USP34: variants seen among roughly 807,000 people sequenced by gnomAD.
USP34 encodes the protein ubiquitin carboxyl-terminal hydrolase 34.
Under a neutral mutation model 460.3 loss-of-function variants are expected in USP34, and 70 were observed. The observed-to-expected ratio is 0.15, with a 90% CI of 0.13 to 0.19. The LOEUF (loss-of-function observed/expected upper bound fraction) is 0.19, where lower values mean the gene tolerates loss of function less well. Among genes scored for constraint, USP34 ranks in the 10% least tolerant of loss-of-function variants. USP34 has a pLI of 1.00. For synonymous variants in USP34, 1,647 were observed against 1,405.3 expected, an observed-to-expected ratio of 1.17 and a Z score of -3.85; for missense variants, 3,985 against 4,236.2, an observed-to-expected ratio of 0.94 and a Z score of 1.65.
At chr2:61,410,695 C>CA (rs1267826089) in intron 2 of USP34, among the ~76,000 whole-genome samples, 4 of 152,064 alleles carry the variant, frequency 2.6e-5, no homozygotes, top group African/African-American at 9.7e-5. Context: ...AATCCTACTA[C>CA]AAATATACTA....
At chr2:61,223,372 A>C in intron 62 of USP34, 76 bp from the exon 63 acceptor site, 2 of 1,398,496 alleles carry the variant, frequency 1.4e-6, no homozygotes, top group Non-Finnish European at 2.0e-6. Flanking sequence ...CATGTATCAA[A>C]AATTGTTGAT....
chr2:61,413,001 T>G (rs563699266), intron 2 of USP34, among the ~76,000 whole-genome samples: 63 of 151,948 alleles, frequency 4.1e-4, no homozygotes, highest in African/African-American at 1.5e-3. Context: ...AAGGAAATTA[T>G]GAAATAAAAT....
At chr2:61,426,683 G>A (rs1694521138) in intron 1 of USP34, among the ~76,000 whole-genome samples, 1 of 152,338 alleles carries the variant, frequency 6.6e-6, no homozygotes, top group East Asian at 1.9e-4. Flanking sequence ...GCCAACTGCT[G>A]ATTGCACAGC....
chr2:61,299,288 C>A (rs1690145711), intron 29 of USP34, among the ~76,000 whole-genome samples: 1 of 152,132 alleles, frequency 6.6e-6, no homozygotes, highest in Non-Finnish European at 1.5e-5. Context: ...GGAAAACTAT[C>A]AAAATACCAC....
intron 23 of USP34, 47 bp downstream of exon 23, chr2:61,317,607 T>G: frequency 6.7e-7 from 1 of 1,491,858 alleles, no homozygotes; most frequent in Non-Finnish European, 9.3e-7. Context: ...TTTGATAATC[T>G]AATTTGAGGA....
At chr2:61,384,873 T>C (rs938196474) in intron 5 of USP34, among the ~76,000 whole-genome samples, 2 of 151,926 alleles carry the variant, frequency 1.3e-5, no homozygotes, top group Non-Finnish European at 2.9e-5. Flanking sequence ...ACCTAGACAA[T>C]ATAAGTTAAG....
intron 21 of USP34, among the ~76,000 whole-genome samples, chr2:61,324,177 T>C (rs1691013938): frequency 6.6e-6 from 1 of 152,176 alleles, no homozygotes; most frequent in Non-Finnish European, 1.5e-5. Flanking sequence ...ACAGTCAGTA[T>C]ATGAAGGAAA....
intron 48 of USP34, among the ~76,000 whole-genome samples, chr2:61,255,411 C>T (rs1337995118): frequency 1.3e-5 from 2 of 152,162 alleles, no homozygotes; most frequent in African/African-American, 4.8e-5. Context: ...TAGCTGGATG[C>T]CCCAATGAGA....
chr2:61,243,731 C>G (rs1688342107), intron 51 of USP34, among the ~76,000 whole-genome samples: 1 of 151,730 alleles, frequency 6.6e-6, no homozygotes, highest in Non-Finnish European at 1.5e-5. Flanking sequence ...ATTAGCTGGG[C>G]ATGGTGGCGC....
Position 61,370,366 on chromosome 2 carries a change from C to T in USP34, c.1206G>A (p.Gly402=), listed in dbSNP as rs1385493548. 6.2e-7 allele frequency: 1 copy of T among 1,614,052 alleles called. No homozygotes were observed. Among genetic ancestry groups the T allele is most frequent in the Non-Finnish European group, 8.5e-7 (1 of 1,179,956 alleles). Residue 402 remains glycine (G), a synonymous_variant, in exon 10 of 80, where the codon GGG becomes GGA. Coordinates refer to ENST00000398571, the MANE Select transcript of USP34 (RefSeq NM_014709.4). ...AGTCAATATGTTGAGTACTCAGTCG[C>T]CCTTCTGCTGCCAAAAAATTCAAAA... ...QVILNFLAAE[G]RLSTQHIDCI... is the part of the protein sequence containing the mutation.
chr2:61,344,115 C>T, intron 15 of USP34, 86 bp from the exon 16 acceptor site: 2 of 1,269,760 alleles, frequency 1.6e-6, no homozygotes, highest in Admixed American at 4.1e-5. Flanking sequence ...CTTAAACTTA[C>T]AAATACACTT....
chr2:61,309,794 C>A (rs6736948), intron 27 of USP34, among the ~76,000 whole-genome samples: 1 of 152,066 alleles, frequency 6.6e-6, no homozygotes, highest in African/African-American at 2.4e-5. Flanking sequence ...GTATTTTTAT[C>A]AACATTTTAG....
chr2:61,435,853 A>G (rs895695121), intron 1 of USP34, among the ~76,000 whole-genome samples: 7 of 151,852 alleles, frequency 4.6e-5, no homozygotes, highest in African/African-American at 1.7e-4. Flanking sequence ...ATATAGTAAA[A>G]CCTCATCTCT....
In USP34 at chr2:61,420,598, A is replaced by T. The variant is rs72886866; in HGVS notation, c.131+148T>A. ...AAACAGAATCATGATCGACCTCATGAGTAAAGATTTAATAAATATTGACAA... is the reference window on the plus strand; with the variant it reads ...AAACAGAATCATGATCGACCTCATGTGTAAAGATTTAATAAATATTGACAA... On this transcript the variant is annotated intron_variant, in intron 2 of 79. Coordinates refer to ENST00000398571, the MANE Select transcript of USP34 (RefSeq NM_014709.4). The T allele has an allele frequency of 2.8e-3, 1,253 of 449,212 alleles. 18 individuals are homozygous for T. The highest frequency in any genetic ancestry group is 0.022 in the African/African-American group (1,106 of 49,190). The allele number at this position is 449,212 out of a possible 1,614,324, so 27.8% of individuals were successfully genotyped here.
intron 35 of USP34, 120 bp from the exon 36 acceptor site, chr2:61,283,569 G>T (rs1572899033): frequency 1.0e-6 from 1 of 965,990 alleles, no homozygotes; most frequent in Non-Finnish European, 1.5e-6. Context: ...AAAGCAGTGG[G>T]TGTGTGAGTG....
chr2:61,328,870 G>T (rs1691176698), intron 20 of USP34, among the ~76,000 whole-genome samples: 1 of 152,126 alleles, frequency 6.6e-6, no homozygotes, highest in Non-Finnish European at 1.5e-5. Context: ...CTCAAGTCCT[G>T]CTCTTCAAGT....
chr2:61,212,527 A>T (rs891349592), intron 68 of USP34, among the ~76,000 whole-genome samples: 3 of 152,234 alleles, frequency 2.0e-5, no homozygotes, highest in Admixed American at 6.5e-5. Context: ...AATGATGCTC[A>T]GTTCAATTTC....
At position 61,222,735 on chromosome 2, in the gene USP34, C is replaced by A; in HGVS notation, c.7750-72G>T. The A allele has an allele frequency of 2.1e-6, 3 of 1,431,404 alleles. No homozygotes were observed. In the South Asian group the frequency reaches 3.6e-5, roughly 17 times the overall value. 88.7% of individuals were successfully genotyped at this position (1,431,404 alleles called of 1,614,324 possible). ...TTTTTGAGACAGGGTTTCGCTATGT[C>A]ACCCAGGCTGGGATGCAGTGGCGAG... On this transcript the variant is annotated intron_variant, in intron 64 of 79. Transcript: ENST00000398571.
chr2:61,350,426 C>G (rs1691910635), intron 11 of USP34, 37 bp from the exon 12 acceptor site: 1 of 1,586,168 alleles, frequency 6.3e-7, no homozygotes, highest in Non-Finnish European at 8.6e-7. Flanking sequence ...TTTGAGAATT[C>G]CAGGCAACAC....
Sources: allele counts gnomAD v4.1 joint callset (sites outside exome capture counted in the v4.1 genomes callset), GRCh38; gene constraint gnomAD v4.1.1; transcripts MANE v1.5; gene names NCBI Gene and HGNC (gene_info 2026-07-23, HGNC 2026-07-21).